The following GAD2 variants were observed in gnomAD, a reference collection of about 807,000 sequenced individuals.
The protein encoded by GAD2 is glutamate decarboxylase 2, also known as 65 kDa glutamic acid decarboxylase.
GAD2 carries 22 observed loss-of-function variants against 80.1 expected under a neutral mutation model. The ratio of observed to expected loss-of-function variants is 0.27; its 90% CI spans 0.20 to 0.39. The LOEUF (loss-of-function observed/expected upper bound fraction) is 0.39, where lower values mean the gene tolerates loss of function less well. Ranked by LOEUF, GAD2 falls within the 10% of genes least tolerant of loss-of-function variation. GAD2 has a pLI of 1.00. For synonymous variants in GAD2, 274 were observed against 256.9 expected (o/e 1.07, Z -0.64); for missense variants, 624 against 738.4 (o/e 0.85, Z 1.80).
chr10:26,237,118 G>C (rs1285866097), intron 7 of GAD2, among the ~76,000 whole-genome samples: 4 of 152,122 alleles, frequency 2.6e-5, no homozygotes, highest in Admixed American at 6.5e-5. Flanking sequence ...ACGGGGGAGA[G>C]AGCAGTGGGC....
chr10:26,276,634 C>G (rs1480174198), intron 11 of GAD2, among the ~76,000 whole-genome samples: 1 of 151,978 alleles, frequency 6.6e-6, no homozygotes, highest in East Asian at 1.9e-4. Flanking sequence ...GTGATCCGCT[C>G]GCCTCGGCCT....
rs2132327642 is a variant in GAD2, at chr10:26,303,111, C to T, written c.*2150C>T. ...CTGGTGAACCAACCCTGCTGTACTC[C>T]AGGATGCTTTATCTTTTGAGTTACA... On this transcript the variant is annotated 3_prime_UTR_variant, in exon 16 of 16. Transcript: ENST00000376261. 1 of 152,292 alleles carries T rather than the reference C, an allele frequency of 6.6e-6. No individual in the cohort carries two copies. The highest frequency in any genetic ancestry group is 2.1e-4 in the South Asian group (1 of 4,828). 9.4% of individuals were successfully genotyped at this position (152,292 alleles called of 1,614,324 possible).
chr10:26,218,551 T>TCTCTCACACACA (rs748110324), intron 3 of GAD2, among the ~76,000 whole-genome samples: 2,459 of 118,800 alleles, frequency 0.021, 52 homozygotes, highest in African/African-American at 0.04. Context: ...TCTCTCTCTC[T>TCTCTCACACACA]CACACACACA....
In GAD2 at chr10:26,303,640, A is replaced by G. The variant is rs890923621; in HGVS notation, c.*2679A>G. 6.6e-6 allele frequency: 1 copy of G among 152,174 alleles called. No individual in the cohort carries two copies. The highest frequency in any genetic ancestry group is 1.9e-4 in the East Asian group (1 of 5,200). 9.4% of individuals were successfully genotyped at this position (152,174 alleles called of 1,614,324 possible). On this transcript the variant is annotated 3_prime_UTR_variant, in exon 16 of 16. Coordinates refer to ENST00000376261, the MANE Select transcript of GAD2 (RefSeq NM_001134366.2). ...AATCAGAACTGACATGGCCATTTTC[A>G]TTTATACAGCAATATTGTGTTTATC... is the stretch of plus-strand genomic sequence containing the variant.
In GAD2 at chr10:26,217,512, A is replaced by G; in HGVS notation, c.77-98A>G. Reference sequence around the variant, plus strand: ...CAGGAGGAAGGCGGCCCCTCCTAGGACCCCGGACTGATTGATTTTCACATA... The same window carrying G: ...CAGGAGGAAGGCGGCCCCTCCTAGGGCCCCGGACTGATTGATTTTCACATA... On this transcript the variant is annotated intron_variant, in intron 1 of 15. Coordinates refer to ENST00000376261, the MANE Select transcript of GAD2 (RefSeq NM_001134366.2). The surrounding 1 kb of genome is among the most constrained non-coding windows in gnomAD (Gnocchi z 4.9). 7.6e-7 allele frequency: 1 copy of G among 1,320,708 alleles called. No individual in the cohort carries two copies. The highest frequency in any genetic ancestry group is 1.3e-5 in the South Asian group (1 of 79,186). 81.8% of individuals were successfully genotyped at this position (1,320,708 alleles called of 1,614,324 possible).
intron 7 of GAD2, among the ~76,000 whole-genome samples, chr10:26,243,331 C>T (rs1455937520): frequency 2.0e-5 from 3 of 152,182 alleles, no homozygotes; most frequent in African/African-American, 7.2e-5. Context: ...TTAAGAGTTC[C>T]TGTGCTGTGT....
At chr10:26,283,776 G>A (rs1159921558) in intron 12 of GAD2, among the ~76,000 whole-genome samples, 2 of 152,154 alleles carry the variant, frequency 1.3e-5, no homozygotes, top group Non-Finnish European at 2.9e-5. Flanking sequence ...GCTGAAGGGA[G>A]GATGGCAGCC....
intron 7 of GAD2, among the ~76,000 whole-genome samples, chr10:26,237,998 TCACACAGACACACACACACACA>T (rs986045711): frequency 1.1e-4 from 13 of 117,686 alleles, no homozygotes; most frequent in African/African-American, 4.1e-4. Flanking sequence ...CGAGACTCCA[TCACACAGACACACACACACACA>T]CACACACACA....
intron 7 of GAD2, among the ~76,000 whole-genome samples, chr10:26,244,853 T>C (rs1314253585): frequency 6.6e-6 from 1 of 152,142 alleles, no homozygotes; most frequent in Non-Finnish European, 1.5e-5. Context: ...AAATGTACAC[T>C]TAAAAATGGT....
Position 26,286,332 on chromosome 10 carries a change from T to G in GAD2, c.1237-13T>G, listed in dbSNP as rs761703373. 5 of 1,599,478 alleles carry G rather than the reference T, an allele frequency of 3.1e-6. No individual in the cohort carries two copies. Among genetic ancestry groups the G allele is most frequent in the Non-Finnish European group, 4.3e-6 (5 of 1,176,368 alleles). ...TCAGTAGAATTTCCTAAATTTTCTC[T>G]TCTCTCTTGTAGGGATTGATGCAGA... is the stretch of plus-strand genomic sequence containing the variant. On this transcript the variant is annotated splice_polypyrimidine_tract_variant and intron_variant, in intron 12 of 15. Coordinates refer to ENST00000376261, the MANE Select transcript of GAD2 (RefSeq NM_001134366.2).
intron 11 of GAD2, among the ~76,000 whole-genome samples, chr10:26,274,096 T>TA (rs8190733): frequency 2.6e-5 from 4 of 151,968 alleles, no homozygotes; most frequent in East Asian, 1.9e-4. Context: ...ATCCACTGCT[T>TA]AAAAAAAATA....
intron 7 of GAD2, among the ~76,000 whole-genome samples, chr10:26,238,808 C>T (rs538522604): frequency 2.0e-5 from 3 of 152,162 alleles, no homozygotes; most frequent in South Asian, 2.1e-4. Flanking sequence ...GGCCAGCTGG[C>T]GAGCAGAAGT....
intron 15 of GAD2, among the ~76,000 whole-genome samples, chr10:26,298,364 T>C (rs1328152510): frequency 1.3e-5 from 2 of 152,222 alleles, no homozygotes; most frequent in Non-Finnish European, 2.9e-5. Context: ...ATGTTCATGT[T>C]CCGGCTAATT....
intron 11 of GAD2, among the ~76,000 whole-genome samples, chr10:26,277,398 C>T (rs919905563): frequency 1.3e-5 from 2 of 152,184 alleles, no homozygotes; most frequent in African/African-American, 2.4e-5. Context: ...GGAGTCACTG[C>T]TGTGTGGCTG....
chr10:26,220,754 G>T (rs567162187), intron 4 of GAD2, among the ~76,000 whole-genome samples: 1 of 152,282 alleles, frequency 6.6e-6, no homozygotes, highest in Admixed American at 6.5e-5. Flanking sequence ...AAACCAAAAA[G>T]AACCTATGGA....
intron 15 of GAD2, among the ~76,000 whole-genome samples, chr10:26,297,586 T>C (rs1834288128): frequency 6.6e-6 from 1 of 152,230 alleles, no homozygotes; most frequent in African/African-American, 2.4e-5. Flanking sequence ...TTGCGTTCTT[T>C]ATTTAGGAAA....
intron 5 of GAD2, 116 bp downstream of exon 5, chr10:26,224,093 C>G (rs1335362002): frequency 1.5e-6 from 1 of 686,744 alleles, no homozygotes; most frequent in African/African-American, 1.8e-5. Context: ...AATAGTGATA[C>G]AAACTTCTGA....
intron 6 of GAD2, among the ~76,000 whole-genome samples, chr10:26,226,252 C>G (rs939024771): frequency 6.6e-5 from 10 of 152,098 alleles, no homozygotes; most frequent in African/African-American, 1.9e-4. Context: ...ACCTACATGC[C>G]CCAGAAAACA....
chr10:26,295,175 C>T (rs778778794), intron 15 of GAD2, among the ~76,000 whole-genome samples: 2 of 152,108 alleles, frequency 1.3e-5, no homozygotes, highest in Non-Finnish European at 2.9e-5. Flanking sequence ...TTCAGCACCT[C>T]ATATGAGCTG....
Sources: gnomAD v4.1 joint callset for allele counts (sites outside exome capture counted in the v4.1 genomes callset) on GRCh38, gnomAD v4.1.1 for gene constraint, Gnocchi (gnomAD v3.1) non-coding constraint, MANE v1.5 for transcripts, NCBI Gene and HGNC (gene_info 2026-07-23, HGNC 2026-07-21) for gene names.